The following SLIT2 variants were observed in gnomAD, a reference collection of about 807,000 sequenced individuals.
The protein encoded by SLIT2 is slit homolog 2 protein.
In SLIT2, 41 loss-of-function variants were observed where a neutral mutation model predicts 185.7. The ratio of observed to expected loss-of-function variants is 0.22; its 90% CI spans 0.17 to 0.29. SLIT2 has a LOEUF of 0.29. Ranked by LOEUF, SLIT2 falls within the 10% of genes least tolerant of loss-of-function variation. The probability of loss-of-function intolerance (pLI) is 1.00; values close to 1 mark genes in which losing one functional copy is unlikely to be tolerated. For missense variants in SLIT2, 1,571 were observed against 1,909.0 expected (o/e 0.82, Z 3.30); for synonymous variants, 693 against 680.2 (o/e 1.02, Z -0.29).
Position 20,338,755 on chromosome 4 carries a change from A to G in SLIT2, c.395+69874A>G, listed in dbSNP as rs1375318794. Reference sequence around the variant, plus strand: ...ATATACACAATCTCTTCTTATGAGAACAAATACCAACAATCTATTATTGTT... The same window carrying G: ...ATATACACAATCTCTTCTTATGAGAGCAAATACCAACAATCTATTATTGTT... On this transcript the variant is annotated intron_variant, in intron 4 of 36. Transcript: ENST00000504154. Among the ~76,000 whole-genome samples, 8 of 152,148 alleles carry G rather than the reference A, an allele frequency of 5.3e-5. No individual in the cohort carries two copies. In the East Asian group the frequency reaches 1.5e-3, roughly 29 times the overall value.
chr4:20,422,107 A>T (rs1158002951), intron 4 of SLIT2, among the ~76,000 whole-genome samples: 1 of 152,148 alleles, frequency 6.6e-6, no homozygotes, highest in East Asian at 1.9e-4. Flanking sequence ...ATACGTTTTA[A>T]TTGTCATCTC....
chr4:20,507,487 G>A (rs1057337024), intron 9 of SLIT2, among the ~76,000 whole-genome samples: 2 of 151,782 alleles, frequency 1.3e-5, no homozygotes, highest in African/African-American at 4.8e-5. Context: ...GCTGAATATA[G>A]CATTTAAAAA....
intron 4 of SLIT2, among the ~76,000 whole-genome samples, chr4:20,306,700 C>T (rs1254127071): frequency 9.2e-5 from 14 of 152,104 alleles, no homozygotes. Flanking sequence ...AATCTTGCCT[C>T]TGTGCCTTTG....
At chr4:20,263,838 C>G (rs1255186946) in intron 3 of SLIT2, among the ~76,000 whole-genome samples, 1 of 151,878 alleles carries the variant, frequency 6.6e-6, no homozygotes, top group Non-Finnish European at 1.5e-5. Flanking sequence ...CAACATACCT[C>G]TCATATTTCT....
chr4:20,567,613 C>A lies in SLIT2; in HGVS notation c.2946C>A (p.Phe982Leu), dbSNP rs547037902. Reference protein sequence around the residue: ...CHLKEGEEDGFWCICADGFEG... With the variant: ...CHLKEGEEDGLWCICADGFEG... ...TAAAGGAAGGAGAAGAAGATGGATT[C>A]TGGTAGGTCATTAGTCTATGACCAT... The change falls in exon 28 of 37, where the codon TTC (phenylalanine) becomes TTA (leucine). Residue 982 changes from phenylalanine (F) to leucine (L), a missense_variant and splice_region_variant. By Grantham distance (22) the Phe-to-Leu change is conservative (BLOSUM62 0). Around this residue, in one of 3 missense-constraint regions of SLIT2, gnomAD observed 1,202 missense variants for 1,416.4 expected, o/e 0.85. Transcript: ENST00000504154. 18 of 1,608,298 alleles carry A rather than the reference C, an allele frequency of 1.1e-5. No individual in the cohort carries two copies. The East Asian group carries it at 4.0e-4, about 36-fold the overall frequency.
rs541050466 is a variant in SLIT2, at chr4:20,309,706, C to G, written c.395+40825C>G. Among the ~76,000 whole-genome samples the G allele has an allele frequency of 8.6e-5, 13 of 150,626 alleles. No individual in the cohort carries two copies. The South Asian group carries it at 2.7e-3, about 32-fold the overall frequency. On this transcript the variant is annotated intron_variant, in intron 4 of 36. Coordinates refer to ENST00000504154, the MANE Select transcript of SLIT2 (RefSeq NM_004787.4). Reference sequence around the variant, plus strand: ...GATAACCTCAGTGTCCTTTACTGTACTACTAAAGCTCCTTCTACTAACAAT... The same window carrying G: ...GATAACCTCAGTGTCCTTTACTGTAGTACTAAAGCTCCTTCTACTAACAAT...
intron 4 of SLIT2, among the ~76,000 whole-genome samples, chr4:20,417,457 T>TATATATATATATATATATATATATAC (rs919072867): frequency 1.4e-5 from 2 of 145,010 alleles, no homozygotes; most frequent in African/African-American, 2.5e-5. Context: ...TATATATATA[T>TATATATATATATATATATATATATAC]ACGTATATAT....
chr4:20,362,405 G>T (rs1722810280), intron 4 of SLIT2, among the ~76,000 whole-genome samples: 1 of 152,004 alleles, frequency 6.6e-6, no homozygotes, highest in Non-Finnish European at 1.5e-5. Context: ...ACTTTTCATT[G>T]GTTCTATGGA....
intron 11 of SLIT2, among the ~76,000 whole-genome samples, chr4:20,511,598 T>TTTTTTTATTTTA (rs1194687099): frequency 2.8e-5 from 4 of 141,674 alleles, no homozygotes; most frequent in African/African-American, 5.2e-5. Context: ...TTTTTTTTTT[T>TTTTTTTATTTTA]TTTTTATTTT....
rs766693060 is a variant in SLIT2 at position 20,472,283 on chromosome 4, T to G, written c.467+4460T>G. 5.8e-4 allele frequency among the ~76,000 whole-genome samples: 13 copies of G among 22,258 alleles called. 1 individual carries two copies. The highest frequency in any genetic ancestry group is 2.0e-3 in the African/African-American group (7 of 3,578). 14.6% of individuals were successfully genotyped at this position (22,258 alleles called of 152,430 possible). ...CTATATATAGATATATATCTATATA[T>G]ATAGATATATAGATATATAGATCTA... On this transcript the variant is annotated intron_variant, in intron 5 of 36. Coordinates refer to ENST00000504154, the MANE Select transcript of SLIT2 (RefSeq NM_004787.4).
rs1553911421 is a variant in SLIT2, at chr4:20,486,283, C to G, written c.611+12C>G. On this transcript the variant is annotated intron_variant, in intron 7 of 36. Coordinates refer to ENST00000504154, the MANE Select transcript of SLIT2 (RefSeq NM_004787.4). ...AAACTTAGGACTTTGTAAGTAGTCACAATATATGTAAAAGTCATATTAATC... is the reference window on the plus strand; with the variant it reads ...AAACTTAGGACTTTGTAAGTAGTCAGAATATATGTAAAAGTCATATTAATC... 6 of 1,449,138 alleles carry G rather than the reference C, an allele frequency of 4.1e-6. No homozygotes were observed. The East Asian group carries it at 1.4e-4, about 33-fold the overall frequency. 89.8% of individuals were successfully genotyped at this position (1,449,138 alleles called of 1,614,324 possible). A position where few individuals can be genotyped will look rare whatever the true frequency, so the allele number is the denominator to read the frequency against.
intron 32 of SLIT2, 150 bp downstream of exon 32, chr4:20,596,805 A>C (rs1180276414): frequency 3.0e-6 from 2 of 664,276 alleles, no homozygotes; most frequent in African/African-American, 3.7e-5. Context: ...AGCGTTAGTA[A>C]TTTTTCTCTT....
At position 20,595,734 on chromosome 4, in the gene SLIT2, G is replaced by A. The variant is rs143782841; in HGVS notation, c.3220G>A (p.Asp1074Asn). 2.8e-5 allele frequency: 45 copies of A among 1,613,996 alleles called. No individual in the cohort carries two copies. Among genetic ancestry groups the A allele is most frequent in the Admixed American group, 1.5e-4 (9 of 59,992 alleles). ...ACCAGGGTACGTAGGTGAACACTGC[G>A]ACATCGATTTTGACGACTGCCAAGA... ...CTPGYVGEHC[D>N]IDFDDCQDNK... is the part of the protein sequence containing the mutation. The change falls in exon 31 of 37, where the codon GAC (aspartate) becomes AAC (asparagine). Residue 1074 changes from aspartate to asparagine, a missense_variant. Asp to Asn is a conservative substitution (Grantham distance 23). Coordinates refer to ENST00000504154, the MANE Select transcript of SLIT2 (RefSeq NM_004787.4).
chr4:20,497,359 C>T (rs996713191), intron 9 of SLIT2, among the ~76,000 whole-genome samples: 1 of 152,022 alleles, frequency 6.6e-6, no homozygotes, highest in Non-Finnish European at 1.5e-5. Context: ...GCTTGACTCT[C>T]AAGCCCATGG....
intron 4 of SLIT2, among the ~76,000 whole-genome samples, chr4:20,465,780 C>T (rs1714275056): frequency 1.3e-5 from 2 of 152,110 alleles, no homozygotes; most frequent in East Asian, 3.9e-4. Context: ...ACTTTCCGCC[C>T]AGCCCACTCT....
At chr4:20,589,383 A>G (rs1727322601) in intron 29 of SLIT2, among the ~76,000 whole-genome samples, 1 of 152,194 alleles carries the variant, frequency 6.6e-6, no homozygotes, top group African/African-American at 2.4e-5. Flanking sequence ...TTCCCATAGT[A>G]TATTCTGAGG....
At chr4:20,297,130 T>C (rs1716560635) in intron 4 of SLIT2, among the ~76,000 whole-genome samples, 3 of 152,208 alleles carry the variant, frequency 2.0e-5, no homozygotes, top group African/African-American at 7.2e-5. Context: ...CTTACTGTAC[T>C]TCTTGGTACT....
chr4:20,442,380 T>G (rs1166612939), intron 4 of SLIT2, among the ~76,000 whole-genome samples: 1 of 151,816 alleles, frequency 6.6e-6, no homozygotes, highest in Non-Finnish European at 1.5e-5. Context: ...AAAAATTAGC[T>G]AGGTGTGGTG....
chr4:20,442,781 G>A (rs1191762474), intron 4 of SLIT2, among the ~76,000 whole-genome samples: 2 of 152,082 alleles, frequency 1.3e-5, no homozygotes, highest in Non-Finnish European at 2.9e-5. Context: ...TTGCTCTATT[G>A]CCAGCAAACT....
Sources: gnomAD v4.1 joint callset for allele counts (sites outside exome capture counted in the v4.1 genomes callset) on GRCh38, gnomAD v4.1.1 for gene constraint, gnomAD v4.1.1 regional missense constraint, MANE v1.5 for transcripts, NCBI Gene and HGNC (gene_info 2026-07-23, HGNC 2026-07-21) for gene names.